PPFIA2: variants seen among roughly 807,000 people sequenced by gnomAD.
PPFIA2 encodes liprin-alpha-2.
PPFIA2 carries 46 observed loss-of-function variants against 175.5 expected under a neutral mutation model. The observed-to-expected ratio is 0.26, with a 90% CI of 0.21 to 0.34. The LOEUF (loss-of-function observed/expected upper bound fraction) is 0.34. Among genes scored for constraint, PPFIA2 ranks in the 10% least tolerant of loss-of-function variants. The probability of loss-of-function intolerance (pLI) is 1.00; values close to 1 mark genes in which losing one functional copy is unlikely to be tolerated. For missense variants in PPFIA2, 1,179 were observed against 1,506.1 expected (o/e 0.78, Z 3.60); for synonymous variants, 568 against 511.4 (o/e 1.11, Z -1.49).
chr12:81,299,248 A>C, intron 23 of PPFIA2, 53 bp downstream of exon 23: 1 of 1,511,208 alleles, frequency 6.6e-7, no homozygotes, highest in Non-Finnish European at 8.9e-7. Context: ...TCTCAAAAAA[A>C]TTATCAACTT....
chr12:81,314,383 TAAGA>T (rs764575818), intron 22 of PPFIA2, among the ~76,000 whole-genome samples: 11 of 151,940 alleles, frequency 7.2e-5, no homozygotes, highest in Non-Finnish European at 1.2e-4. Context: ...ATGTTAATAG[TAAGA>T]AAGATTCTGT....
chr12:81,745,247 C>T (rs570991960), intron 3 of PPFIA2, among the ~76,000 whole-genome samples: 1 of 152,206 alleles, frequency 6.6e-6, no homozygotes, highest in East Asian at 1.9e-4. Context: ...CCCATCTAAC[C>T]TAAAGTTTCT....
intron 32 of PPFIA2, chr12:81,260,172 C>G (rs1005453232): frequency 6.6e-5 from 10 of 152,218 alleles, no homozygotes; most frequent in African/African-American, 2.4e-4. Flanking sequence ...ATTGCTATTA[C>G]TGACACAAAA....
chr12:81,375,433 TCTTGGGAAAGTCTGA>T (rs1462538781), intron 10 of PPFIA2, among the ~76,000 whole-genome samples: 3 of 152,120 alleles, frequency 2.0e-5, no homozygotes, highest in Non-Finnish European at 4.4e-5. Flanking sequence ...AGATGTATGA[TCTTGGGAAAGTCTGA>T]CTGTCTCTGA....
chr12:81,676,177 T>C (rs2153569369), intron 4 of PPFIA2, among the ~76,000 whole-genome samples: 1 of 152,172 alleles, frequency 6.6e-6, no homozygotes, highest in Middle Eastern at 3.4e-3. Context: ...GTCTTATTAC[T>C]TTAGATATAC....
intron 18 of PPFIA2, among the ~76,000 whole-genome samples, chr12:81,345,041 T>C (rs1053212721): frequency 6.6e-6 from 1 of 152,158 alleles, no homozygotes; most frequent in African/African-American, 2.4e-5. Flanking sequence ...GACTGCATCT[T>C]TTCAAGAAAA....
At chr12:81,531,242 T>G (rs2064510441) in intron 4 of PPFIA2, among the ~76,000 whole-genome samples, 1 of 151,848 alleles carries the variant, frequency 6.6e-6, no homozygotes, top group Non-Finnish European at 1.5e-5. Flanking sequence ...AATTAAGTAG[T>G]TAGTTGTAAT....
chr12:81,539,975 A>C (rs1323509041), intron 4 of PPFIA2, among the ~76,000 whole-genome samples: 1 of 152,066 alleles, frequency 6.6e-6, no homozygotes, highest in Non-Finnish European at 1.5e-5. Flanking sequence ...TAAGGTTTTA[A>C]ACATCCAGGC....
rs201022163 is a variant in PPFIA2, at chr12:81,521,820, A to AC, written c.304-63955_304-63954insG. Among the ~76,000 whole-genome samples, 49 of 115,792 alleles carry AC rather than the reference A, an allele frequency of 4.2e-4. 1 individual carries two copies. The East Asian group carries it at 0.011, about 26-fold the overall frequency. The allele number at this position is 115,792 out of a possible 152,430, so 76.0% of individuals were successfully genotyped here. On this transcript the variant is annotated intron_variant, in intron 4 of 32. Transcript: ENST00000549396. Reference sequence around the variant, plus strand: ...GGGCGACAGAGCAACTCCATCTCACAAAAAAAAAAAAAAAAATTATTGCAC... The same window carrying AC: ...GGGCGACAGAGCAACTCCATCTCACACAAAAAAAAAAAAAAAATTATTGCAC...
chr12:81,316,200 C>T (rs2052318262), intron 22 of PPFIA2, among the ~76,000 whole-genome samples: 1 of 151,544 alleles, frequency 6.6e-6, no homozygotes, highest in African/African-American at 2.4e-5. Flanking sequence ...TACGTAATTA[C>T]TGCCCTTCTT....
At chr12:81,550,673 T>A (rs1174018755) in intron 4 of PPFIA2, among the ~76,000 whole-genome samples, 1 of 151,864 alleles carries the variant, frequency 6.6e-6, no homozygotes, top group Non-Finnish European at 1.5e-5. Context: ...GATATTGATG[T>A]GCATAGGGGA....
chr12:81,706,710 G>A (rs1045371126), intron 3 of PPFIA2, among the ~76,000 whole-genome samples: 8 of 152,060 alleles, frequency 5.3e-5, no homozygotes, highest in African/African-American at 1.5e-4. Flanking sequence ...GAGGCAGCCC[G>A]CATAGCCAAG....
intron 4 of PPFIA2, among the ~76,000 whole-genome samples, chr12:81,540,161 T>C (rs2065991335): frequency 6.6e-6 from 1 of 151,954 alleles, no homozygotes; most frequent in Non-Finnish European, 1.5e-5. Flanking sequence ...TCCTGTTCTC[T>C]TGCCCTATCA....
rs190687338 is a variant in PPFIA2, at chr12:81,511,621, C to T, written c.304-53755G>A. Among the ~76,000 whole-genome samples the T allele has an allele frequency of 5.3e-5, 8 of 151,946 alleles. No individual in the cohort carries two copies. In the East Asian group the frequency reaches 7.7e-4, roughly 15 times the overall value. ...ACTGTAGGTTCTGTGAGGGGAAAAACGAAAAACAACCCTGATGTTTACTTT... is the reference window on the plus strand; with the variant it reads ...ACTGTAGGTTCTGTGAGGGGAAAAATGAAAAACAACCCTGATGTTTACTTT... On this transcript the variant is annotated intron_variant, in intron 4 of 32. Transcript: ENST00000549396.
intron 13 of PPFIA2, among the ~76,000 whole-genome samples, chr12:81,367,864 G>C (rs1359132267): frequency 2.0e-5 from 3 of 151,560 alleles, no homozygotes; most frequent in African/African-American, 7.3e-5. Flanking sequence ...CAAAGTTATA[G>C]AATAAAATTA....
intron 7 of PPFIA2, among the ~76,000 whole-genome samples, chr12:81,421,775 T>C (rs1010772697): frequency 2.0e-5 from 3 of 151,794 alleles, no homozygotes; most frequent in African/African-American, 7.3e-5. Context: ...AAAAATAATA[T>C]AACAAGATCC....
At chr12:81,616,802 T>C (rs894663742) in intron 4 of PPFIA2, among the ~76,000 whole-genome samples, 1 of 152,176 alleles carries the variant, frequency 6.6e-6, no homozygotes, top group African/African-American at 2.4e-5. Flanking sequence ...AGGGCACACA[T>C]TCAGTAACAT....
rs145022572 is a variant in PPFIA2 at position 81,627,360 on chromosome 12, A to C, written c.303+49431T>G. Among the ~76,000 whole-genome samples the C allele has an allele frequency of 7.4e-4, 113 of 152,250 alleles. 2 individuals carry two copies. In the East Asian group the frequency reaches 0.02, roughly 27 times the overall value. Reference sequence around the variant, plus strand: ...ATTTCCCAGTTAGCCTGATTTTATCATTATACATTTTATACTTATAACAAA... The same window carrying C: ...ATTTCCCAGTTAGCCTGATTTTATCCTTATACATTTTATACTTATAACAAA... On this transcript the variant is annotated intron_variant, in intron 4 of 32. Transcript: ENST00000549396.
intron 4 of PPFIA2, among the ~76,000 whole-genome samples, chr12:81,555,876 A>C (rs60872396): frequency 0.023 from 3,486 of 152,080 alleles, 133 homozygotes; most frequent in African/African-American, 0.08. Flanking sequence ...CTCTAACAAA[A>C]TATAATAGGC....
Sources: gnomAD v4.1 joint callset for allele counts (sites outside exome capture counted in the v4.1 genomes callset) on GRCh38, gnomAD v4.1.1 for gene constraint, MANE v1.5 for transcripts, NCBI Gene and HGNC (gene_info 2026-07-23, HGNC 2026-07-21) for gene names.